SPAG16: variants seen among roughly 807,000 people sequenced by gnomAD.
The protein encoded by SPAG16 is sperm-associated antigen 16 protein.
SPAG16 carries 86 observed loss-of-function variants against 80.4 expected under a neutral mutation model. The observed-to-expected ratio is 1.07, with a 90% CI of 0.90 to 1.28. The LOEUF (loss-of-function observed/expected upper bound fraction) is 1.28. Ranked by LOEUF, SPAG16 falls within the 50% of genes most tolerant of loss-of-function variation. SPAG16 has a pLI of 0.00. For synonymous variants in SPAG16, 294 were observed against 265.9 expected, an observed-to-expected ratio of 1.11 and a Z score of -1.03; for missense variants, 870 against 765.3, an observed-to-expected ratio of 1.14 and a Z score of -1.61.
At chr2:213,940,027 T>G (rs1339579054) in intron 12 of SPAG16, among the ~76,000 whole-genome samples, 1 of 152,158 alleles carries the variant, frequency 6.6e-6, no homozygotes, top group East Asian at 1.9e-4. Flanking sequence ...ATTTCTTATC[T>G]ACAAATTCAA....
chr2:214,003,588 G>A (rs1445012683), intron 12 of SPAG16, among the ~76,000 whole-genome samples: 1 of 152,104 alleles, frequency 6.6e-6, no homozygotes, highest in Admixed American at 6.6e-5. Context: ...TGTTATTCAA[G>A]GCAGTTATAT....
chr2:213,863,307 CCCATAGTTCTTGGTGCTTTTCTAAA>C (rs959820085), intron 11 of SPAG16, among the ~76,000 whole-genome samples: 5 of 152,010 alleles, frequency 3.3e-5, no homozygotes, highest in African/African-American at 1.2e-4. Flanking sequence ...ACTTTTTTAA[CCCATAGTTCTTGGTGCTTTTCTAAA>C]CCATTCTTTT....
chr2:213,876,995 A>T (rs1397513032), intron 11 of SPAG16, among the ~76,000 whole-genome samples: 2 of 152,148 alleles, frequency 1.3e-5, no homozygotes, highest in African/African-American at 2.4e-5. Context: ...TCTGCCAAAG[A>T]TTTCTCTGCT....
At chr2:214,037,503 T>G (rs1420073635) in intron 13 of SPAG16, among the ~76,000 whole-genome samples, 1 of 152,150 alleles carries the variant, frequency 6.6e-6, no homozygotes, top group African/African-American at 2.4e-5. Context: ...TCACTATTAC[T>G]TGAGTGTAAA....
chr2:213,557,332 A>G (rs2059456027), intron 10 of SPAG16, among the ~76,000 whole-genome samples: 1 of 152,132 alleles, frequency 6.6e-6, no homozygotes, highest in Non-Finnish European at 1.5e-5. Context: ...CTGCAATTTT[A>G]TATACATGTA....
intron 13 of SPAG16, among the ~76,000 whole-genome samples, chr2:214,032,828 G>T (rs2048484130): frequency 6.6e-6 from 1 of 152,166 alleles, no homozygotes; most frequent in Non-Finnish European, 1.5e-5. Context: ...AAAGACTATG[G>T]ATGAGCAAAT....
intron 9 of SPAG16, among the ~76,000 whole-genome samples, chr2:213,460,972 A>G (rs2072325488): frequency 1.3e-5 from 2 of 152,190 alleles, no homozygotes; most frequent in African/African-American, 2.4e-5. Flanking sequence ...TAAAAAATAT[A>G]AATTATAATT....
At chr2:214,149,744 A>AT (rs1164229686) in intron 15 of SPAG16, among the ~76,000 whole-genome samples, 1 of 152,106 alleles carries the variant, frequency 6.6e-6, no homozygotes, top group Admixed American at 6.6e-5. Flanking sequence ...CATTTATCTT[A>AT]TTGTTGCAAT....
intron 15 of SPAG16, among the ~76,000 whole-genome samples, chr2:214,261,281 G>C (rs753222758): frequency 6.6e-6 from 1 of 150,546 alleles, no homozygotes; most frequent in Non-Finnish European, 1.5e-5. Context: ...ATCACATACC[G>C]TTCACTCACA....
At chr2:213,931,174 A>G (rs1021166356) in intron 12 of SPAG16, among the ~76,000 whole-genome samples, 5 of 152,214 alleles carry the variant, frequency 3.3e-5, no homozygotes, top group African/African-American at 1.2e-4. Flanking sequence ...TATTGTTACA[A>G]TGATAGGTGC....
intron 10 of SPAG16, among the ~76,000 whole-genome samples, chr2:213,502,322 C>T (rs557326578): frequency 6.6e-6 from 1 of 152,094 alleles, no homozygotes; most frequent in South Asian, 2.1e-4. Context: ...GGGGTCTTGC[C>T]ATGTTTCCCA....
At chr2:214,339,677 C>T (rs1211235657) in intron 15 of SPAG16, among the ~76,000 whole-genome samples, 3 of 152,176 alleles carry the variant, frequency 2.0e-5, no homozygotes, top group Admixed American at 1.3e-4. Context: ...GCAAAATAAA[C>T]TTCTCAATAT....
Position 213,297,308 on chromosome 2 carries a change from C to G in SPAG16, c.230C>G (p.Ala77Gly). 6.2e-7 allele frequency: 1 copy of G among 1,612,890 alleles called. No homozygotes were observed. Among genetic ancestry groups the G allele is most frequent in the Non-Finnish European group, 8.5e-7 (1 of 1,179,228 alleles). Residue 77 changes from alanine (A) to glycine (G), a missense_variant, in exon 3 of 16, where the codon GCA (alanine) becomes GGA (glycine). By Grantham distance (60) the Ala-to-Gly change is moderately conservative. Transcript: ENST00000331683. ...FSIPEGEEDLAKAIQMAQEQA... is the reference protein window; with the variant it reads ...FSIPEGEEDLGKAIQMAQEQA... Reference sequence around the variant, plus strand: ...ATCCCAGAAGGTGAAGAAGATCTGGCAAAAGCAATTCAGATGGCCCAAGAA... The same window carrying G: ...ATCCCAGAAGGTGAAGAAGATCTGGGAAAAGCAATTCAGATGGCCCAAGAA...
At chr2:214,133,023 C>T (rs1213484757) in intron 14 of SPAG16, among the ~76,000 whole-genome samples, 3 of 151,552 alleles carry the variant, frequency 2.0e-5, no homozygotes, top group Non-Finnish European at 2.9e-5. Flanking sequence ...ACCTGGGAGG[C>T]GGATGTTGCA....
chr2:214,230,169 T>C (rs2125798488), intron 15 of SPAG16, among the ~76,000 whole-genome samples: 1 of 152,108 alleles, frequency 6.6e-6, no homozygotes, highest in South Asian at 2.1e-4. Flanking sequence ...GATCAGGGTA[T>C]TTTGTGTATT....
chr2:213,713,953 A>G (rs1258768927), intron 10 of SPAG16, among the ~76,000 whole-genome samples: 1 of 152,204 alleles, frequency 6.6e-6, no homozygotes, highest in African/African-American at 2.4e-5. Context: ...ACCATTCACA[A>G]AGAACAATGA....
chr2:213,782,712 A>G (rs1015566982), intron 10 of SPAG16, among the ~76,000 whole-genome samples: 1 of 152,204 alleles, frequency 6.6e-6, no homozygotes, highest in Non-Finnish European at 1.5e-5. Flanking sequence ...GAATTCACTG[A>G]TAAAAGTATG....
At chr2:213,708,045 TC>T (rs1469616523) in intron 10 of SPAG16, among the ~76,000 whole-genome samples, 108 of 152,324 alleles carry the variant, frequency 7.1e-4, no homozygotes, top group African/African-American at 2.5e-3. Flanking sequence ...TTTTTTTCTC[TC>T]AAAACTGTGA....
At chr2:213,872,212 C>T (rs1485832040) in intron 11 of SPAG16, among the ~76,000 whole-genome samples, 1 of 152,000 alleles carries the variant, frequency 6.6e-6, no homozygotes. Flanking sequence ...AGTGATGTGA[C>T]ATGAAAAAGG....
Sources: allele counts gnomAD v4.1 joint callset (sites outside exome capture counted in the v4.1 genomes callset), GRCh38; gene constraint gnomAD v4.1.1; transcripts MANE v1.5; gene names NCBI Gene and HGNC (gene_info 2026-07-23, HGNC 2026-07-21).